The following SOX5 variants were observed in gnomAD, a reference collection of about 807,000 sequenced individuals.
The protein encoded by SOX5 is SRY-box transcription factor 5.
SOX5 carries 9 observed loss-of-function variants against 92.0 expected under a neutral mutation model. That is an observed-to-expected ratio of 0.10 (90% CI 0.06 to 0.17). The LOEUF (loss-of-function observed/expected upper bound fraction) is 0.17. Among genes scored for constraint, SOX5 ranks in the 10% least tolerant of loss-of-function variants. The probability of loss-of-function intolerance (pLI) is 1.00; values close to 1 mark genes in which losing one functional copy is unlikely to be tolerated. For synonymous variants in SOX5, 344 were observed against 336.3 expected, an observed-to-expected ratio of 1.02 and a Z score of -0.25; for missense variants, 642 against 944.5, an observed-to-expected ratio of 0.68 and a Z score of 4.20.
intron 4 of SOX5, among the ~76,000 whole-genome samples, chr12:24,052,959 A>T (rs1278306679): frequency 6.6e-6 from 1 of 152,176 alleles, no homozygotes; most frequent in Non-Finnish European, 1.5e-5. Context: ...GTCAACTTAG[A>T]TCATCTTTCC....
intron 2 of SOX5, among the ~76,000 whole-genome samples, chr12:23,863,126 G>C (rs147933905): frequency 6.6e-6 from 1 of 152,046 alleles, no homozygotes; most frequent in Non-Finnish European, 1.5e-5. Flanking sequence ...TGAATACTGC[G>C]AATTTTTCAT....
intron 1 of SOX5, among the ~76,000 whole-genome samples, chr12:24,452,144 T>A (rs1255457578): frequency 6.6e-6 from 1 of 152,236 alleles, no homozygotes; most frequent in African/African-American, 2.4e-5. Context: ...CCTGAGGCAT[T>A]AGAGCTTGCA....
At chr12:24,523,201 C>T (rs1012998678) in intron 1 of SOX5, among the ~76,000 whole-genome samples, 10 of 151,936 alleles carry the variant, frequency 6.6e-5, no homozygotes, top group African/African-American at 1.2e-4. Flanking sequence ...GTAAAAGACT[C>T]GTACACTGAA....
intron 3 of SOX5, among the ~76,000 whole-genome samples, chr12:23,830,765 A>T (rs1184020436): frequency 2.0e-5 from 3 of 152,152 alleles, no homozygotes; most frequent in African/African-American, 7.2e-5. Flanking sequence ...AGTAATTAAA[A>T]AGTTGGTAAG....
chr12:23,857,786 G>T (rs1485872496), intron 2 of SOX5, among the ~76,000 whole-genome samples: 3 of 150,300 alleles, frequency 2.0e-5, no homozygotes, highest in Admixed American at 1.3e-4. Flanking sequence ...AGGCTGGAGT[G>T]CAGTGGCACG....
At chr12:24,339,409 C>A (rs1952318443) in intron 2 of SOX5, among the ~76,000 whole-genome samples, 1 of 151,858 alleles carries the variant, frequency 6.6e-6, no homozygotes, top group African/African-American at 2.4e-5. Context: ...TGTGCAAAGG[C>A]CTGCAGGTGA....
intron 4 of SOX5, among the ~76,000 whole-genome samples, chr12:24,089,706 C>T (rs2137748084): frequency 6.6e-6 from 1 of 152,240 alleles, no homozygotes; most frequent in Admixed American, 6.5e-5. Context: ...ATGTGCTTTC[C>T]TCTCTGGTCT....
intron 4 of SOX5, among the ~76,000 whole-genome samples, chr12:24,136,205 G>C (rs1593488380): frequency 6.6e-6 from 1 of 152,224 alleles, no homozygotes; most frequent in Non-Finnish European, 1.5e-5. Flanking sequence ...AGAGGACCAA[G>C]CTCTGGAATC....
intron 1 of SOX5, among the ~76,000 whole-genome samples, chr12:23,903,762 C>T (rs912493944): frequency 2.0e-5 from 3 of 152,142 alleles, no homozygotes; most frequent in Non-Finnish European, 4.4e-5. Flanking sequence ...TTTACATTTA[C>T]TTGTCTGGTT....
chr12:23,704,838 GAATT>G (rs1252719157), intron 6 of SOX5, among the ~76,000 whole-genome samples: 3 of 150,372 alleles, frequency 2.0e-5, no homozygotes, highest in African/African-American at 4.9e-5. Flanking sequence ...CACTTGTAAA[GAATT>G]AATAGTGATA....
At chr12:24,307,288 A>G (rs1948673876) in intron 2 of SOX5, among the ~76,000 whole-genome samples, 1 of 152,194 alleles carries the variant, frequency 6.6e-6, no homozygotes, top group Non-Finnish European at 1.5e-5. Context: ...GATTTAGTCA[A>G]AATGTCATAA....
In SOX5 at chr12:23,749,891, C is replaced by T. The variant is rs548376265; in HGVS notation, c.568+5747G>A. ...CCTCAAATATGCACTACATTCCAAA[C>T]TTTGAGCCAACAGAATATTAGGTAG... On this transcript the variant is annotated intron_variant, in intron 4 of 14. Coordinates refer to ENST00000451604, the MANE Select transcript of SOX5 (RefSeq NM_006940.6). Among the ~76,000 whole-genome samples, 10 of 151,932 alleles carry T rather than the reference C, an allele frequency of 6.6e-5. No homozygotes were observed. In the East Asian group the frequency reaches 1.9e-3, roughly 29 times the overall value.
intron 8 of SOX5, among the ~76,000 whole-genome samples, chr12:23,614,397 T>C (rs773923704): frequency 3.3e-5 from 5 of 152,236 alleles, no homozygotes; most frequent in Non-Finnish European, 7.3e-5. Context: ...TCCCCACTAC[T>C]GGGGCAATGC....
chr12:24,001,173 C>T (rs184823409), intron 4 of SOX5, among the ~76,000 whole-genome samples: 49 of 152,136 alleles, frequency 3.2e-4, no homozygotes, highest in East Asian at 1.9e-3. Flanking sequence ...TCACTACAGC[C>T]TCAACCTCCT....
At chr12:24,016,329 A>C (rs920590163) in intron 4 of SOX5, among the ~76,000 whole-genome samples, 1 of 152,202 alleles carries the variant, frequency 6.6e-6, no homozygotes, top group Non-Finnish European at 1.5e-5. Flanking sequence ...GGGAAAAAAA[A>C]CAACCATACA....
At chr12:23,563,209 G>A (rs182742133) in intron 11 of SOX5, 49 bp downstream of exon 11, 1 of 1,420,648 alleles carries the variant, frequency 7.0e-7, no homozygotes, top group African/African-American at 1.4e-5. Context: ...AAAAGCATTA[G>A]GCAATTTAAT....
chr12:24,140,268 G>T (rs1255672323), intron 4 of SOX5, among the ~76,000 whole-genome samples: 2 of 152,124 alleles, frequency 1.3e-5, no homozygotes, highest in Non-Finnish European at 2.9e-5. Flanking sequence ...GGTGTTAGTA[G>T]AGAATTAGAG....
At chr12:24,462,094 T>C (rs1315550322) in intron 1 of SOX5, among the ~76,000 whole-genome samples, 1 of 152,188 alleles carries the variant, frequency 6.6e-6, no homozygotes, top group Non-Finnish European at 1.5e-5. Context: ...AAGGCATCAT[T>C]AGGAAATTTC....
intron 4 of SOX5, among the ~76,000 whole-genome samples, chr12:24,185,866 A>T (rs1221594633): frequency 6.6e-6 from 1 of 152,166 alleles, no homozygotes; most frequent in Non-Finnish European, 1.5e-5. Flanking sequence ...AAGGTACTTA[A>T]TAACATTCGT....
Sources: gnomAD v4.1 joint callset for allele counts (sites outside exome capture counted in the v4.1 genomes callset) on GRCh38, gnomAD v4.1.1 for gene constraint, MANE v1.5 for transcripts, NCBI Gene and HGNC (gene_info 2026-07-23, HGNC 2026-07-21) for gene names.